Variants in UBE3A observed in about 807,000 individuals in gnomAD.
UBE3A encodes the protein ubiquitin-protein ligase E3A.
A neutral mutation model predicts 83.4 loss-of-function variants in UBE3A; 6 were observed. The observed-to-expected ratio is 0.07, with a 90% CI of 0.04 to 0.14. UBE3A has a LOEUF of 0.14. Among genes scored for constraint, UBE3A ranks in the 10% least tolerant of loss-of-function variants. The probability of loss-of-function intolerance (pLI) is 1.00; values close to 1 mark genes in which losing one functional copy is unlikely to be tolerated. For missense variants in UBE3A, 456 were observed against 1,036.1 expected (o/e 0.44, Z 7.69); for synonymous variants, 337 against 355.4 (o/e 0.95, Z 0.58).
At chr15:25,438,053 C>A (rs913349492) in intron 1 of UBE3A, 6 of 152,350 alleles carry the variant, frequency 3.9e-5, no homozygotes, top group African/African-American at 1.4e-4. Flanking sequence ...CCCAACCCAC[C>A]AAGCACACGG....
At chr15:25,398,939 T>G (rs35410912) in intron 4 of UBE3A, among the ~76,000 whole-genome samples, 18,007 of 150,804 alleles carry the variant, frequency 0.12, 1,150 homozygotes, top group Middle Eastern at 0.23. Flanking sequence ...CCATGCGCAA[T>G]ATATCTCTTG....
At chr15:25,412,918 G>GCTACTT in intron 1 of UBE3A, 5 of 379,396 alleles carry the variant, frequency 1.3e-5, no homozygotes, top group South Asian at 9.8e-5. Context: ...TTCATTCAGT[G>GCTACTT]CATGAAGTAG....
intron 7 of UBE3A, 99 bp from the exon 8 acceptor site, chr15:25,356,995 A>G: frequency 3.0e-6 from 3 of 1,013,620 alleles, no homozygotes; most frequent in Non-Finnish European, 4.4e-6. Flanking sequence ...CATATAAAAC[A>G]TTTAAAATAT....
At chr15:25,431,965 C>G (rs928147168) in intron 1 of UBE3A, among the ~76,000 whole-genome samples, 2 of 152,154 alleles carry the variant, frequency 1.3e-5, no homozygotes, top group African/African-American at 4.8e-5. Context: ...CATATTTCCC[C>G]TTATGACCCA....
In UBE3A at chr15:25,370,185, T is replaced by C. The variant is rs930495009; in HGVS notation, c.1608+381A>G. On this transcript the variant is annotated intron_variant, in intron 6 of 12. Transcript: ENST00000648336. The surrounding 1 kb of genome is among the most constrained non-coding windows in gnomAD (Gnocchi z 4.2). ...CTACCTATAATTTTATGGTATGGTT[T>C]TACTGTACCATTACTCCCAGTTCAA... Among the ~76,000 whole-genome samples the C allele has an allele frequency of 1.3e-5, 2 of 152,202 alleles. No individual in the cohort carries two copies. Among genetic ancestry groups the C allele is most frequent in the Non-Finnish European group, 2.9e-5 (2 of 68,050 alleles).
In UBE3A at chr15:25,339,406, T is replaced by G. The variant is rs937175460; in HGVS notation, c.2499-149A>C. On this transcript the variant is annotated intron_variant, in intron 12 of 12. Coordinates refer to ENST00000648336, the MANE Select transcript of UBE3A (RefSeq NM_130839.5). The stretch of plus-strand genomic sequence containing the variant: ...AATGCAAATCATAAACTTTTTGTTG[T>G]GTAACTACCAAGTTGCCTTTATCCT... 152 of 980,628 alleles carry G rather than the reference T, an allele frequency of 1.6e-4. 1 individual carries two copies. In the South Asian group the frequency reaches 1.8e-3, roughly 12 times the overall value. The allele number at this position is 980,628 out of a possible 1,614,324, so 60.7% of individuals were successfully genotyped here.
At chr15:25,428,321 A>G (rs1334096479) in intron 1 of UBE3A, among the ~76,000 whole-genome samples, 1 of 152,216 alleles carries the variant, frequency 6.6e-6, no homozygotes, top group East Asian at 1.9e-4. Flanking sequence ...GATGAACCTA[A>G]ATGCAAATAA....
intron 11 of UBE3A, among the ~76,000 whole-genome samples, chr15:25,352,778 A>C (rs1344414635): frequency 6.6e-6 from 1 of 152,220 alleles, no homozygotes; most frequent in African/African-American, 2.4e-5. Context: ...GAAAATTAAG[A>C]AGCTGAATTT....
intron 6 of UBE3A, among the ~76,000 whole-genome samples, chr15:25,361,845 A>G (rs2078163329): frequency 6.6e-6 from 1 of 152,126 alleles, no homozygotes; most frequent in South Asian, 2.1e-4. Context: ...TGGTTTTGAA[A>G]AATGCAATAA....
chr15:25,415,273 T>C (rs749392405), intron 1 of UBE3A, among the ~76,000 whole-genome samples: 2 of 152,214 alleles, frequency 1.3e-5, no homozygotes, highest in Non-Finnish European at 2.9e-5. Flanking sequence ...TATCATTCTA[T>C]ATTCAAAAGC....
intron 4 of UBE3A, among the ~76,000 whole-genome samples, chr15:25,396,897 A>G (rs552580490): frequency 1.3e-5 from 2 of 152,324 alleles, no homozygotes; most frequent in South Asian, 4.1e-4. Flanking sequence ...AGATGCATTC[A>G]AGGCGTTACT....
At chr15:25,380,715 C>A (rs890855670) in intron 4 of UBE3A, among the ~76,000 whole-genome samples, 2 of 152,130 alleles carry the variant, frequency 1.3e-5, no homozygotes, top group African/African-American at 4.8e-5. Context: ...CAACAGCTTA[C>A]TTGCTATAAT....
rs770288588 is a variant in UBE3A at position 25,371,175 on chromosome 15, A to C, written c.999T>G (p.Ile333Met). The change falls in exon 6 of 13, where the codon ATT becomes ATG. Residue 333 changes from isoleucine to methionine, a missense_variant. By Grantham distance (10) the Ile-to-Met change is conservative. This residue lies in a region of UBE3A where 85 missense variants were observed against 137.0 expected (regional missense o/e 0.62). Transcript: ENST00000648336. This position sits in a 1 kb window ranked among gnomAD's most constrained non-coding sequence, Gnocchi z 5.3. ...GCTGAAATGTCTCCATCATTCTCCG[A>C]ATCTGGTCTGCATTGTATTTAGACC... Reference protein sequence around the residue: ...RLWSKYNADQIRRMMETFQQL... With the variant: ...RLWSKYNADQMRRMMETFQQL... 2 of 1,614,148 alleles carry C rather than the reference A, an allele frequency of 1.2e-6. No individual in the cohort carries two copies. The highest frequency in any genetic ancestry group is 1.7e-6 in the Non-Finnish European group (2 of 1,180,030).
At chr15:25,423,907 C>G (rs1009800408) in intron 1 of UBE3A, among the ~76,000 whole-genome samples, 77 of 152,064 alleles carry the variant, frequency 5.1e-4, no homozygotes, top group African/African-American at 1.9e-3. Context: ...CAACATATAT[C>G]AAGAATTCAA....
intron 4 of UBE3A, chr15:25,393,993 T>G (rs759862863): frequency 5.3e-5 from 8 of 152,250 alleles, no homozygotes; most frequent in Non-Finnish European, 8.8e-5. Context: ...GGACTTGTTC[T>G]GCTGTCTTCT....
intron 4 of UBE3A, among the ~76,000 whole-genome samples, chr15:25,404,692 A>G (rs1187342150): frequency 6.6e-6 from 1 of 152,112 alleles, no homozygotes; most frequent in East Asian, 1.9e-4. Context: ...CTTACTATCT[A>G]CCTACTGAGC....
At chr15:25,341,129 G>T (rs2074689803) in intron 11 of UBE3A, among the ~76,000 whole-genome samples, 1 of 151,774 alleles carries the variant, frequency 6.6e-6, no homozygotes, top group Non-Finnish European at 1.5e-5. Flanking sequence ...GAGTGCAGTG[G>T]CGCGATCTCG....
chr15:25,422,480 T>C (rs773246545), intron 1 of UBE3A, among the ~76,000 whole-genome samples: 26 of 152,086 alleles, frequency 1.7e-4, no homozygotes, highest in Admixed American at 3.9e-4. Flanking sequence ...AAGGTGGCAT[T>C]ATCAGTGGGG....
intron 11 of UBE3A, among the ~76,000 whole-genome samples, chr15:25,349,080 A>T (rs1022052157): frequency 4.6e-5 from 7 of 151,802 alleles, no homozygotes; most frequent in African/African-American, 1.7e-4. Flanking sequence ...AAAGGACAAA[A>T]CAAATTAATA....
Sources: gnomAD v4.1 joint callset for allele counts (sites outside exome capture counted in the v4.1 genomes callset) on GRCh38, gnomAD v4.1.1 for gene constraint, gnomAD v4.1.1 regional missense constraint, Gnocchi (gnomAD v3.1) non-coding constraint, MANE v1.5 for transcripts, NCBI Gene and HGNC (gene_info 2026-07-23, HGNC 2026-07-21) for gene names.